The following CSMD3 variants were observed in gnomAD, a reference collection of about 807,000 sequenced individuals.
The protein encoded by CSMD3 is CUB and Sushi multiple domains 3, also known as CUB and sushi domain-containing protein 3.
In CSMD3, 177 loss-of-function variants were observed where a neutral mutation model predicts 435.2. That is an observed-to-expected ratio of 0.41 (90% CI 0.36 to 0.46). The LOEUF (loss-of-function observed/expected upper bound fraction) is 0.46. Among genes scored for constraint, CSMD3 ranks in the 20% least tolerant of loss-of-function variants. CSMD3 has a pLI of 0.34. For missense variants in CSMD3, 4,265 were observed against 4,504.6 expected, an observed-to-expected ratio of 0.95 and a Z score of 1.52; for synonymous variants, 1,656 against 1,520.5, an observed-to-expected ratio of 1.09 and a Z score of -2.07.
At chr8:112,403,664 G>A (rs978652974) in intron 35 of CSMD3, among the ~76,000 whole-genome samples, 1 of 151,906 alleles carries the variant, frequency 6.6e-6, no homozygotes, top group Non-Finnish European at 1.5e-5. Flanking sequence ...TCATTACTGA[G>A]GGTAGAGCCC....
At chr8:112,552,113 G>A (rs1244049726) in intron 26 of CSMD3, among the ~76,000 whole-genome samples, 1 of 152,030 alleles carries the variant, frequency 6.6e-6, no homozygotes, top group Non-Finnish European at 1.5e-5. Flanking sequence ...AAGGACAACA[G>A]GAAATGGTAT....
At chr8:112,938,890 G>T (rs1359374477) in intron 9 of CSMD3, among the ~76,000 whole-genome samples, 1 of 152,096 alleles carries the variant, frequency 6.6e-6, no homozygotes, top group African/African-American at 2.4e-5. Flanking sequence ...TTACTGCTAA[G>T]TATAGGAACT....
intron 4 of CSMD3, among the ~76,000 whole-genome samples, chr8:113,108,468 C>G: frequency 6.6e-6 from 1 of 150,480 alleles, no homozygotes; most frequent in South Asian, 2.1e-4. Context: ...GTCAAAATAA[C>G]ATAATTGGAA....
intron 45 of CSMD3, among the ~76,000 whole-genome samples, chr8:112,334,594 C>A (rs868592230): frequency 6.6e-6 from 1 of 152,012 alleles, no homozygotes; most frequent in Non-Finnish European, 1.5e-5. Context: ...GTAGTCATAG[C>A]AGATAAAAGG....
At chr8:112,695,684 C>A (rs999626976) in intron 13 of CSMD3, among the ~76,000 whole-genome samples, 5 of 152,170 alleles carry the variant, frequency 3.3e-5, no homozygotes, top group Non-Finnish European at 7.3e-5. Flanking sequence ...GACAGGGATG[C>A]CCTCTCTCAC....
intron 12 of CSMD3, among the ~76,000 whole-genome samples, chr8:112,805,262 G>T (rs2079057484): frequency 6.6e-6 from 1 of 152,130 alleles, no homozygotes; most frequent in Non-Finnish European, 1.5e-5. Flanking sequence ...CCTTCTGAAA[G>T]AAAAGGGGTA....
At chr8:112,998,926 C>T (rs1345692527) in intron 6 of CSMD3, among the ~76,000 whole-genome samples, 2 of 151,996 alleles carry the variant, frequency 1.3e-5, no homozygotes, top group Admixed American at 1.3e-4. Flanking sequence ...GAGGCCTCCC[C>T]AGCCACACTT....
intron 7 of CSMD3, among the ~76,000 whole-genome samples, chr8:112,970,967 C>T (rs546608761): frequency 9.2e-5 from 14 of 152,014 alleles, no homozygotes; most frequent in African/African-American, 2.7e-4. Context: ...GTTATTCACC[C>T]GTCTCGGCCT....
At chr8:113,123,064 G>A (rs897809809) in intron 4 of CSMD3, among the ~76,000 whole-genome samples, 5 of 148,966 alleles carry the variant, frequency 3.4e-5, no homozygotes, top group African/African-American at 1.3e-4. Flanking sequence ...GAAGTCACAT[G>A]TTAGCTTTTA....
intron 1 of CSMD3, chr8:113,376,845 A>C: frequency 1.2e-6 from 2 of 1,612,858 alleles, no homozygotes; most frequent in Non-Finnish European, 1.7e-6. Context: ...ACAACCGGCC[A>C]CCTCTGCCCC....
intron 5 of CSMD3, among the ~76,000 whole-genome samples, chr8:113,035,330 T>C (rs774457414): frequency 6.6e-6 from 1 of 152,032 alleles, no homozygotes; most frequent in Non-Finnish European, 1.5e-5. Flanking sequence ...TAAACAAGTT[T>C]ATGTACATTC....
intron 2 of CSMD3, among the ~76,000 whole-genome samples, chr8:113,287,751 T>C (rs1470416540): frequency 6.6e-6 from 1 of 152,104 alleles, no homozygotes; most frequent in East Asian, 1.9e-4. Flanking sequence ...GGTTTATGCA[T>C]TGACTTAACA....
At chr8:112,943,166 T>C (rs897251135) in intron 9 of CSMD3, among the ~76,000 whole-genome samples, 1 of 151,798 alleles carries the variant, frequency 6.6e-6, no homozygotes, top group Admixed American at 6.6e-5. Flanking sequence ...GCCTATTGTG[T>C]AATTGAGTTG....
chr8:113,022,278 T>C (rs2086710129), intron 5 of CSMD3, among the ~76,000 whole-genome samples: 1 of 152,126 alleles, frequency 6.6e-6, no homozygotes, highest in South Asian at 2.1e-4. Context: ...CAAATCACTG[T>C]GGTCATTTAA....
chr8:112,802,823 TTTTATTAATTTAAAA>T (rs2078990723), intron 12 of CSMD3, among the ~76,000 whole-genome samples: 1 of 151,796 alleles, frequency 6.6e-6, no homozygotes, highest in African/African-American at 2.4e-5. Flanking sequence ...CAAACTCAAA[TTTTATTAATTTAAAA>T]TTTATTAATT....
At chr8:112,699,260 G>T (rs2076331313) in intron 13 of CSMD3, among the ~76,000 whole-genome samples, 1 of 152,120 alleles carries the variant, frequency 6.6e-6, no homozygotes. Flanking sequence ...CCTGAAGTCA[G>T]CAAGACCACG....
chr8:113,196,048 T>C (rs2092651679), intron 3 of CSMD3, among the ~76,000 whole-genome samples: 1 of 150,876 alleles, frequency 6.6e-6, no homozygotes, highest in Non-Finnish European at 1.5e-5. Context: ...CTCTAATAAA[T>C]ATTGGGCGGA....
chr8:112,652,396 TA>T (rs535888864), intron 18 of CSMD3, among the ~76,000 whole-genome samples: 1 of 152,152 alleles, frequency 6.6e-6, no homozygotes, highest in Non-Finnish European at 1.5e-5. Context: ...AACATTGTAG[TA>T]AAATCGTCTA....
At chr8:112,567,992 G>T (rs972365209) in intron 24 of CSMD3, among the ~76,000 whole-genome samples, 1 of 152,096 alleles carries the variant, frequency 6.6e-6, no homozygotes, top group African/African-American at 2.4e-5. Context: ...TTTCTCAAAA[G>T]CAAGAGTAAA....
Sources: allele counts gnomAD v4.1 joint callset (sites outside exome capture counted in the v4.1 genomes callset), GRCh38; gene constraint gnomAD v4.1.1; transcripts MANE v1.5; gene names NCBI Gene and HGNC (gene_info 2026-07-23, HGNC 2026-07-21).